The following ABCA8 variants were observed in gnomAD, a reference collection of about 807,000 sequenced individuals.
The protein encoded by ABCA8 is ABC-type organic anion transporter ABCA8.
A neutral mutation model predicts 192.3 loss-of-function variants in ABCA8; 177 were observed. The ratio of observed to expected loss-of-function variants is 0.92; its 90% confidence interval spans 0.81 to 1.04. The LOEUF (loss-of-function observed/expected upper bound fraction) is 1.04. Among genes scored for constraint, ABCA8 ranks in the 50% least tolerant of loss-of-function variants. The pLI, the probability that ABCA8 is intolerant of heterozygous loss-of-function variation, is 0.00. For missense variants in ABCA8, 1,915 were observed against 1,904.8 expected, an observed-to-expected ratio of 1.01 and a Z score of -0.10; for synonymous variants, 642 against 690.2, an observed-to-expected ratio of 0.93 and a Z score of 1.09.
At chr17:68,907,926 C>T in intron 17 of ABCA8, 47 bp from the exon 18 acceptor site, 1 of 1,485,834 alleles carries the variant, frequency 6.7e-7, no homozygotes, top group Non-Finnish European at 8.9e-7. Flanking sequence ...TCGACATAGT[C>T]TCCAATAGCA....
At chr17:68,891,440 C>G in intron 24 of ABCA8, 49 bp downstream of exon 24, 2 of 1,329,496 alleles carry the variant, frequency 1.5e-6, no homozygotes, top group Non-Finnish European at 2.1e-6. Flanking sequence ...AAATTACCTT[C>G]TGCTTTCAAT....
chr17:68,906,026 T>C lies in ABCA8; in HGVS notation c.2398+18A>G, dbSNP rs1212762371. 1 of 1,553,732 alleles carries C rather than the reference T, an allele frequency of 6.4e-7. No homozygotes were observed. Among genetic ancestry groups the C allele is most frequent in the Non-Finnish European group, 8.7e-7 (1 of 1,149,870 alleles). ...AAATATGTGCTTTTACATAATAATT[T>C]TCATGCATTTTATTTACCCGATTCA... On this transcript the variant is annotated intron_variant, in intron 19 of 39. Transcript: ENST00000586539.
At chr17:68,944,443 C>T (rs2068339754) in intron 2 of ABCA8, 1 of 148,086 alleles carries the variant, frequency 6.8e-6, no homozygotes, top group South Asian at 2.2e-4. Flanking sequence ...TGTCTCAGAA[C>T]ATTTTTTCCA....
At chr17:68,898,176 AT>A (rs1396950650) in intron 21 of ABCA8, among the ~76,000 whole-genome samples, 2 of 152,144 alleles carry the variant, frequency 1.3e-5, no homozygotes, top group African/African-American at 4.8e-5. Flanking sequence ...AAAATGACAT[AT>A]TCAAAGTACT....
At chr17:68,888,363 A>T (rs930263097) in intron 24 of ABCA8, among the ~76,000 whole-genome samples, 1 of 152,022 alleles carries the variant, frequency 6.6e-6, no homozygotes, top group African/African-American at 2.4e-5. Context: ...CTATTCTAAG[A>T]GTTGTGAATT....
intron 4 of ABCA8, among the ~76,000 whole-genome samples, chr17:68,939,118 A>G (rs533636592): frequency 6.6e-6 from 1 of 152,252 alleles, no homozygotes; most frequent in Non-Finnish European, 1.5e-5. Flanking sequence ...TACCATTACC[A>G]TGAGCATCTC....
chr17:68,870,669 T>C (rs993738097), intron 37 of ABCA8, among the ~76,000 whole-genome samples: 1 of 152,250 alleles, frequency 6.6e-6, no homozygotes, highest in African/African-American at 2.4e-5. Context: ...CTGTCACATG[T>C]TGCAGAATTT....
At chr17:68,949,838 T>C (rs2068518728) in intron 1 of ABCA8, among the ~76,000 whole-genome samples, 1 of 152,168 alleles carries the variant, frequency 6.6e-6, no homozygotes, top group Admixed American at 6.5e-5. Context: ...GCCAATATCA[T>C]ACTGAATGGG....
chr17:68,903,338 A>G lies in ABCA8; in HGVS notation c.2560T>C (p.Leu854=), dbSNP rs138755161. The G allele has an allele frequency of 8.7e-6, 14 of 1,614,062 alleles. No homozygotes were observed. Among genetic ancestry groups the G allele is most frequent in the Non-Finnish European group, 1.2e-5 (14 of 1,180,040 alleles). The change falls in exon 20 of 40, where the codon TTA becomes CTA. Residue 854 remains leucine, a synonymous_variant. Coordinates refer to ENST00000586539, the MANE Select transcript of ABCA8 (RefSeq NM_001288985.2). The stretch of plus-strand genomic sequence containing the variant: ...GCTTTTCTTTCATGCTTTAACTTTA[A>G]CAAGCGAACCCTTGCAATTGCGCAG... ...QICAIARVRL[L]KLKHERKALL...
At chr17:68,921,801 T>G (rs1011272413) in intron 12 of ABCA8, among the ~76,000 whole-genome samples, 2 of 152,170 alleles carry the variant, frequency 1.3e-5, no homozygotes, top group African/African-American at 4.8e-5. Flanking sequence ...TAGTATTTAT[T>G]AAATGGAAGA....
intron 17 of ABCA8, among the ~76,000 whole-genome samples, chr17:68,908,981 A>G (rs1237724874): frequency 2.0e-5 from 3 of 152,230 alleles, no homozygotes; most frequent in Non-Finnish European, 2.9e-5. Context: ...CCACTGACAC[A>G]TAAGTCATGT....
At position 68,906,115 on chromosome 17, in the gene ABCA8, T is replaced by A. The variant is rs202191057; in HGVS notation, c.2327A>T (p.Tyr776Phe). The A allele has an allele frequency of 6.2e-6, 10 of 1,602,334 alleles. No individual in the cohort carries two copies. In the Admixed American group the frequency reaches 1.2e-4, roughly 19 times the overall value. Residue 776 changes from tyrosine (Y) to phenylalanine (F), a missense_variant, in exon 19 of 40, where the codon TAT becomes TTT. By Grantham distance (22) the Tyr-to-Phe change is conservative. Coordinates refer to ENST00000586539, the MANE Select transcript of ABCA8 (RefSeq NM_001288985.2). ...DSYPDLGIEN[Y>F]GVSMTTLNEV... ...ATTCAAAGTTGTCATGGAAACACCA[T>A]AATTCTCAATTCCTAGGTCAGGATA...
At chr17:68,952,532 A>G (rs934597939) in intron 1 of ABCA8, among the ~76,000 whole-genome samples, 2 of 152,196 alleles carry the variant, frequency 1.3e-5, no homozygotes, top group Non-Finnish European at 2.9e-5. Context: ...ATTTTTTACC[A>G]TCAAATGTCT....
rs556707915 is a variant in ABCA8 at position 68,935,609 on chromosome 17, T to A, written c.466+1342A>T. 2.7e-5 allele frequency among the ~76,000 whole-genome samples: 4 copies of A among 147,542 alleles called. No homozygotes were observed. In the South Asian group the frequency reaches 8.7e-4, roughly 32 times the overall value. ...AGCCCTCTGTTGATGGACACTTATG[T>A]TAATTCTCTATCTTTGCTTTTGTGA... On this transcript the variant is annotated intron_variant, in intron 5 of 39. Transcript: ENST00000586539.
At position 68,887,063 on chromosome 17, in the gene ABCA8, C is replaced by A. The variant is rs201390448; in HGVS notation, c.3383G>T (p.Arg1128Leu). 2 of 1,612,346 alleles carry A rather than the reference C, an allele frequency of 1.2e-6. No homozygotes were observed. The highest frequency in any genetic ancestry group is 1.3e-5 in the African/African-American group (1 of 74,734). Residue 1128 changes from arginine (R) to leucine (L), a missense_variant, in exon 26 of 40, where the codon CGC (arginine) becomes CTC (leucine). By Grantham distance (102) the Arg-to-Leu change is moderately radical. Coordinates refer to ENST00000586539, the MANE Select transcript of ABCA8 (RefSeq NM_001288985.2). Reference sequence around the variant, plus strand: ...AATGCCACTATTTTTTCTCCCCTTGCGAAAGATGAAGGAAATCACGTATGT... The same window carrying A: ...AATGCCACTATTTTTTCTCCCCTTGAGAAAGATGAAGGAAATCACGTATGT... ...FMTYVISFIF[R>L]KGRKNSGIWS...
intron 37 of ABCA8, among the ~76,000 whole-genome samples, chr17:68,872,251 A>G (rs942016103): frequency 6.6e-6 from 1 of 152,208 alleles, no homozygotes; most frequent in African/African-American, 2.4e-5. Flanking sequence ...CTATGCAGCC[A>G]TAAAAAATGA....
intron 23 of ABCA8, 28 bp from the exon 24 acceptor site, chr17:68,891,624 T>C (rs771618946): frequency 6.7e-7 from 1 of 1,497,998 alleles, no homozygotes; most frequent in South Asian, 1.2e-5. Context: ...TACAATGAAC[T>C]GAATGAAGAA....
chr17:68,934,696 T>C (rs1315675587), intron 5 of ABCA8, among the ~76,000 whole-genome samples: 1 of 152,316 alleles, frequency 6.6e-6, no homozygotes, highest in Non-Finnish European at 1.5e-5. Context: ...ATTTCTATGA[T>C]GATGAGTTAT....
chr17:68,867,925 G>T lies in ABCA8; in HGVS notation c.*160C>A, dbSNP rs1355958406. 2 of 612,006 alleles carry T rather than the reference G, an allele frequency of 3.3e-6. No homozygotes were observed. The highest frequency in any genetic ancestry group is 5.7e-6 in the Non-Finnish European group (2 of 351,382). 37.9% of individuals were successfully genotyped at this position (612,006 alleles called of 1,614,324 possible). A position where few individuals can be genotyped will look rare whatever the true frequency, so the allele number is the denominator to read the frequency against. ...TTAGTCAAATGCCTCTGTCCACACT[G>T]ACATGGCACTTACCCAGCACCCGAA... On this transcript the variant is annotated 3_prime_UTR_variant, in exon 40 of 40. Transcript: ENST00000586539.
Sources: gnomAD v4.1 joint callset for allele counts (sites outside exome capture counted in the v4.1 genomes callset) on GRCh38, gnomAD v4.1.1 for gene constraint, MANE v1.5 for transcripts, NCBI Gene and HGNC (gene_info 2026-07-23, HGNC 2026-07-21) for gene names.